DCUN1D2: variants seen among roughly 807,000 people sequenced by gnomAD.
The protein encoded by DCUN1D2 is defective in cullin neddylation 1 domain containing 2.
In DCUN1D2, 29 loss-of-function variants were observed where a neutral mutation model predicts 30.9. The ratio of observed to expected loss-of-function variants is 0.94; its 90% CI spans 0.70 to 1.28. The LOEUF (loss-of-function observed/expected upper bound fraction) is 1.28, where lower values mean the gene tolerates loss of function less well. Among genes scored for constraint, DCUN1D2 ranks in the 50% most tolerant of loss-of-function variants. DCUN1D2 has a pLI of 0.00. For missense variants in DCUN1D2, 325 were observed against 316.9 expected, an observed-to-expected ratio of 1.03 and a Z score of -0.19; for synonymous variants, 121 against 115.3, an observed-to-expected ratio of 1.05 and a Z score of -0.32.
intron 5 of DCUN1D2, among the ~76,000 whole-genome samples, chr13:113,459,869 C>T (rs903387944): frequency 1.2e-4 from 18 of 152,322 alleles, no homozygotes; most frequent in South Asian, 4.1e-4. Context: ...CGTTCCTTTG[C>T]GTGGCTCCAA....
Position 113,457,548 on chromosome 13 carries a change from A to T in DCUN1D2, c.*481T>A, listed in dbSNP as rs1456709637. On this transcript the variant is annotated 3_prime_UTR_variant, in exon 7 of 7. Coordinates refer to ENST00000478244, the MANE Select transcript of DCUN1D2 (RefSeq NM_001014283.2). ...CCAATTTTAAAAAACATTAGACTCT[A>T]CGACAAGATCCTCTCCCTTAGGGCA... 6.5e-6 allele frequency: 1 copy of T among 152,736 alleles called. No individual in the cohort carries two copies. Among genetic ancestry groups the T allele is most frequent in the Non-Finnish European group, 1.5e-5 (1 of 68,406 alleles). The allele number at this position is 152,736 out of a possible 1,614,324, so 9.5% of individuals were successfully genotyped here.
intron 4 of DCUN1D2, 123 bp downstream of exon 4, chr13:113,474,001 T>C: frequency 8.2e-7 from 1 of 1,221,326 alleles, no homozygotes; most frequent in Non-Finnish European, 1.2e-6. Flanking sequence ...CAAGACCGTA[T>C]CTCCAAAAAA....
intron 4 of DCUN1D2, among the ~76,000 whole-genome samples, chr13:113,465,118 A>G (rs1376709531): frequency 6.6e-6 from 1 of 152,276 alleles, no homozygotes; most frequent in Non-Finnish European, 1.5e-5. Flanking sequence ...ATCAATAAAT[A>G]TAAATGATTA....
At chr13:113,481,265 A>G (rs895309323) in intron 2 of DCUN1D2, among the ~76,000 whole-genome samples, 1 of 152,204 alleles carries the variant, frequency 6.6e-6, no homozygotes, top group African/African-American at 2.4e-5. Context: ...ATCCACATTT[A>G]ATAGCTTAGA....
At chr13:113,475,530 T>C (rs898528446) in intron 3 of DCUN1D2, 5 of 152,264 alleles carry the variant, frequency 3.3e-5, no homozygotes, top group African/African-American at 9.6e-5. Flanking sequence ...AACGTGTCCC[T>C]GTCTCTGAGT....
At chr13:113,472,645 A>G (rs1456615115) in intron 4 of DCUN1D2, among the ~76,000 whole-genome samples, 2 of 152,200 alleles carry the variant, frequency 1.3e-5, no homozygotes, top group African/African-American at 4.8e-5. Flanking sequence ...CAGGAGACAG[A>G]AAGACTTCCT....
chr13:113,472,770 G>A (rs1416320323), intron 4 of DCUN1D2, among the ~76,000 whole-genome samples: 1 of 152,220 alleles, frequency 6.6e-6, no homozygotes, highest in African/African-American at 2.4e-5. Flanking sequence ...GCCGCATGCG[G>A]CAGGCTCCTG....
chr13:113,479,491 C>T (rs774962999), intron 3 of DCUN1D2, among the ~76,000 whole-genome samples: 1 of 152,092 alleles, frequency 6.6e-6, no homozygotes, highest in Non-Finnish European at 1.5e-5. Flanking sequence ...CGGTGGCTCC[C>T]GCCTGTAATC....
Position 113,457,729 on chromosome 13 carries a change from C to T in DCUN1D2, c.*300G>A, listed in dbSNP as rs185999382. The T allele has an allele frequency of 2.0e-4, 50 of 250,814 alleles. 1 individual carries two copies. In the East Asian group the frequency reaches 2.8e-3, roughly 14 times the overall value. The allele number at this position is 250,814 out of a possible 1,614,324, so 15.5% of individuals were successfully genotyped here. A position where few individuals can be genotyped will look rare whatever the true frequency, so the allele number is the denominator to read the frequency against. On this transcript the variant is annotated 3_prime_UTR_variant, in exon 7 of 7. Coordinates refer to ENST00000478244, the MANE Select transcript of DCUN1D2 (RefSeq NM_001014283.2). ...GCAGCATGCTCTGCGGTCCCACAGG[C>T]GGCGCTATGGCTCTACCTTAGTATT...
chr13:113,488,552 A>T lies in DCUN1D2; in HGVS notation c.3+2115T>A, dbSNP rs1047896616. Among the ~76,000 whole-genome samples, 1 of 152,226 alleles carries T rather than the reference A, an allele frequency of 6.6e-6. No individual in the cohort carries two copies. The highest frequency in any genetic ancestry group is 2.1e-4 in the South Asian group (1 of 4,836). On this transcript the variant is annotated intron_variant, in intron 1 of 6. Coordinates refer to ENST00000478244, the MANE Select transcript of DCUN1D2 (RefSeq NM_001014283.2). The surrounding 1 kb of genome is among the most constrained non-coding windows in gnomAD (Gnocchi z 4.3). The stretch of plus-strand genomic sequence containing the variant: ...AAAGGCTCGTCAACTAAAAAACTAC[A>T]GGGGAGAGAAGGAAGCCGAGTCCCT...
Position 113,490,604 on chromosome 13 carries a change from C to G in DCUN1D2, c.3+63G>C. 1 of 1,212,158 alleles carries G rather than the reference C, an allele frequency of 8.2e-7. No homozygotes were observed. Among genetic ancestry groups the G allele is most frequent in the Non-Finnish European group, 1.0e-6 (1 of 973,638 alleles). The allele number at this position is 1,212,158 out of a possible 1,614,324, so 75.1% of individuals were successfully genotyped here. A position where few individuals can be genotyped will look rare whatever the true frequency, so the allele number is the denominator to read the frequency against. On this transcript the variant is annotated intron_variant, in intron 1 of 6. Transcript: ENST00000478244. This position sits in a 1 kb window ranked among gnomAD's most constrained non-coding sequence, Gnocchi z 5.2. ...TCCCACATCCAGCGCGCCGCCTGCG[C>G]CGACCTTGGGGCCCGACCCCGACCC...
intron 4 of DCUN1D2, among the ~76,000 whole-genome samples, chr13:113,470,969 GGGGACCC>G (rs1255930365): frequency 6.2e-5 from 9 of 144,864 alleles, no homozygotes; most frequent in African/African-American, 7.7e-5. Flanking sequence ...CAACTCCACA[GGGGACCC>G]AACTCTACAG....
upstream of DCUN1D2, chr13:113,490,803 T>A: frequency 1.2e-6 from 1 of 816,818 alleles, no homozygotes; most frequent in Non-Finnish European, 1.6e-6. The surrounding 1 kb of genome is among the most constrained non-coding windows in gnomAD (Gnocchi z 5.2). Context: ...GGACTCCCAC[T>A]CCCGGCATGC....
chr13:113,480,846 C>A, intron 2 of DCUN1D2, 103 bp from the exon 3 acceptor site: 2 of 1,242,308 alleles, frequency 1.6e-6, no homozygotes, highest in Non-Finnish European at 2.3e-6. Flanking sequence ...ATAGTTCTAG[C>A]AAGCGTGTTT....
At chr13:113,480,814 T>G in intron 2 of DCUN1D2, 71 bp from the exon 3 acceptor site, 1 of 1,531,710 alleles carries the variant, frequency 6.5e-7, no homozygotes, top group Non-Finnish European at 9.0e-7. Flanking sequence ...GAGGTTTGAA[T>G]CCTAGCATTC....
intron 4 of DCUN1D2, chr13:113,468,796 A>G (rs2044452442): frequency 6.6e-6 from 1 of 152,306 alleles, no homozygotes; most frequent in Admixed American, 6.5e-5. Context: ...AATTTAGGTG[A>G]GAAAGTATCA....
intron 3 of DCUN1D2, among the ~76,000 whole-genome samples, chr13:113,477,656 T>C (rs2044640246): frequency 6.6e-6 from 1 of 152,146 alleles, no homozygotes; most frequent in African/African-American, 2.4e-5. Context: ...ATTTTTTCCT[T>C]TTGGCCAGAT....
chr13:113,470,183 A>G (rs971359881), intron 4 of DCUN1D2, among the ~76,000 whole-genome samples: 1 of 152,166 alleles, frequency 6.6e-6, no homozygotes, highest in African/African-American at 2.4e-5. Context: ...AATCCTCACC[A>G]CCGTGTTACG....
In DCUN1D2 at chr13:113,459,305, C is replaced by T; in HGVS notation, c.700+7G>A. On this transcript the variant is annotated splice_region_variant and intron_variant, in intron 6 of 6. Coordinates refer to ENST00000478244, the MANE Select transcript of DCUN1D2 (RefSeq NM_001014283.2). ...CGGTCAATCATCTGAAGCACAACTT[C>T]CGGTACCTTCTTCATCGTAGTTAGA... is the stretch of plus-strand genomic sequence containing the variant. The T allele has an allele frequency of 6.6e-7, 1 of 1,517,356 alleles. No individual in the cohort carries two copies. The highest frequency in any genetic ancestry group is 1.7e-5 in the Admixed American group (1 of 59,804). 94.0% of individuals were successfully genotyped at this position (1,517,356 alleles called of 1,614,324 possible). A position where few individuals can be genotyped will look rare whatever the true frequency, so the allele number is the denominator to read the frequency against.
Sources: gnomAD v4.1 joint callset for allele counts (sites outside exome capture counted in the v4.1 genomes callset) on GRCh38, gnomAD v4.1.1 for gene constraint, Gnocchi (gnomAD v3.1) non-coding constraint, MANE v1.5 for transcripts, NCBI Gene and HGNC (gene_info 2026-07-23, HGNC 2026-07-21) for gene names.